Variants in DLG2 observed in about 807,000 individuals in gnomAD.
DLG2 encodes disks large homolog 2.
Under a neutral mutation model 132.5 loss-of-function variants are expected in DLG2, and 45 were observed. That is an observed-to-expected ratio of 0.34 (90% CI 0.27 to 0.44). DLG2 has a LOEUF of 0.44. DLG2 is among the 20% of genes least tolerant of loss of function. The probability of loss-of-function intolerance (pLI) is 1.00; values close to 1 mark genes in which losing one functional copy is unlikely to be tolerated. For synonymous variants in DLG2, 424 were observed against 419.6 expected (o/e 1.01, Z -0.13); for missense variants, 1,045 against 1,196.9 (o/e 0.87, Z 1.87).
chr11:85,190,298 C>G (rs1230147888), intron 4 of DLG2, among the ~76,000 whole-genome samples: 1 of 152,110 alleles, frequency 6.6e-6, no homozygotes, highest in Non-Finnish European at 1.5e-5. Context: ...TCGGACTAAA[C>G]TAAGTAGCTC....
intron 3 of DLG2, among the ~76,000 whole-genome samples, chr11:85,312,799 T>C (rs2152810659): frequency 6.6e-6 from 1 of 152,158 alleles, no homozygotes; most frequent in South Asian, 2.1e-4. Context: ...CAACTTGTTT[T>C]CCATAGAGCA....
chr11:85,496,687 T>C (rs118050336), intron 3 of DLG2, among the ~76,000 whole-genome samples: 50 of 152,086 alleles, frequency 3.3e-4, no homozygotes, highest in Non-Finnish European at 6.5e-4. Context: ...AGACACCTCA[T>C]ACACGCTCGT....
At chr11:85,306,528 C>A (rs1446986660) in intron 3 of DLG2, among the ~76,000 whole-genome samples, 1 of 152,206 alleles carries the variant, frequency 6.6e-6, no homozygotes, top group Non-Finnish European at 1.5e-5. Context: ...CCCTTCCAAC[C>A]CTTTAGGAAC....
chr11:84,908,095 G>A (rs1303294271), intron 6 of DLG2, among the ~76,000 whole-genome samples: 1 of 151,872 alleles, frequency 6.6e-6, no homozygotes, highest in Non-Finnish European at 1.5e-5. Context: ...GAAAGAACGA[G>A]TTACCCTTTA....
chr11:85,378,814 C>T (rs1032844342), intron 3 of DLG2, among the ~76,000 whole-genome samples: 1 of 152,116 alleles, frequency 6.6e-6, no homozygotes, highest in African/African-American at 2.4e-5. Flanking sequence ...ATTCTCAATA[C>T]TTACAAGATT....
intron 7 of DLG2, among the ~76,000 whole-genome samples, chr11:84,367,715 C>T (rs969476952): frequency 1.3e-5 from 2 of 152,044 alleles, no homozygotes; most frequent in African/African-American, 4.8e-5. Context: ...GTGATGCCTT[C>T]CTCTATGCTA....
At chr11:83,816,224 G>A (rs775735947) in intron 17 of DLG2, among the ~76,000 whole-genome samples, 6 of 152,138 alleles carry the variant, frequency 3.9e-5, no homozygotes, top group Non-Finnish European at 5.9e-5. Flanking sequence ...CTACATTTCC[G>A]TAAATAGGCT....
chr11:83,551,235 T>TA lies in DLG2; in HGVS notation c.1941-9378dup, dbSNP rs556183173. Among the ~76,000 whole-genome samples, 26 of 152,274 alleles carry TA rather than the reference T, an allele frequency of 1.7e-4. No individual in the cohort carries two copies. The South Asian group carries it at 2.3e-3, about 13-fold the overall frequency. The stretch of plus-strand genomic sequence containing the variant: ...GTACTCAATATTTGTTAATTGAGTC[T>TA]AAAAAAATCTAAATTTTTTCCCCTG... On this transcript the variant is annotated intron_variant, in intron 19 of 27. Transcript: ENST00000376104.
intron 7 of DLG2, among the ~76,000 whole-genome samples, chr11:84,482,946 A>C (rs531155030): frequency 6.6e-6 from 1 of 152,292 alleles, no homozygotes; most frequent in African/African-American, 2.4e-5. Context: ...AGTGGAGGAG[A>C]AAAATGTTGA....
At chr11:84,964,917 A>G (rs1331309099) in intron 6 of DLG2, among the ~76,000 whole-genome samples, 1 of 152,148 alleles carries the variant, frequency 6.6e-6, no homozygotes, top group African/African-American at 2.4e-5. Context: ...ACAGAAACAC[A>G]TATACGAAGT....
intron 19 of DLG2, among the ~76,000 whole-genome samples, chr11:83,615,067 G>A (rs2060608590): frequency 6.6e-6 from 1 of 152,138 alleles, no homozygotes. Flanking sequence ...TTTTACCTAA[G>A]CAGCACCTGG....
At chr11:85,515,745 G>A (rs918553457) in intron 3 of DLG2, among the ~76,000 whole-genome samples, 15 of 151,856 alleles carry the variant, frequency 9.9e-5, no homozygotes, top group African/African-American at 3.6e-4. Flanking sequence ...TGTTTGCTAG[G>A]TTCTCATTCA....
At chr11:85,230,118 T>C (rs949058326) in intron 4 of DLG2, among the ~76,000 whole-genome samples, 1 of 152,062 alleles carries the variant, frequency 6.6e-6, no homozygotes, top group Non-Finnish European at 1.5e-5. Flanking sequence ...TCCCAGAACT[T>C]AAAGTATTGT....
rs967011873 is a variant in DLG2, at chr11:83,879,746, T to C, written c.1497-5258A>G. On this transcript the variant is annotated intron_variant, in intron 15 of 27. Transcript: ENST00000376104. ...CCAATAAATGTTAATTGGGCACTTA[T>C]TATACACCAGGGATTGTGTTAGGTG... 4.6e-5 allele frequency among the ~76,000 whole-genome samples: 7 copies of C among 152,292 alleles called. No individual in the cohort carries two copies. In the East Asian group the frequency reaches 5.8e-4, roughly 13 times the overall value.
intron 6 of DLG2, among the ~76,000 whole-genome samples, chr11:84,651,503 A>C (rs2099682035): frequency 6.6e-6 from 1 of 152,152 alleles, no homozygotes; most frequent in Non-Finnish European, 1.5e-5. Context: ...GACAAATAAA[A>C]ATAGAAGCTT....
intron 15 of DLG2, among the ~76,000 whole-genome samples, chr11:83,892,262 T>C (rs2070154834): frequency 6.6e-6 from 1 of 152,208 alleles, no homozygotes; most frequent in African/African-American, 2.4e-5. Context: ...ATTTTAAATT[T>C]GATCCAGTAA....
intron 17 of DLG2, among the ~76,000 whole-genome samples, chr11:83,788,419 C>T (rs942203086): frequency 6.6e-6 from 1 of 152,226 alleles, no homozygotes; most frequent in South Asian, 2.1e-4. Context: ...GGCTGTGCCA[C>T]TCTCTTGCTG....
At chr11:83,836,728 C>G (rs933316510) in intron 16 of DLG2, among the ~76,000 whole-genome samples, 2 of 152,150 alleles carry the variant, frequency 1.3e-5, no homozygotes, top group African/African-American at 4.8e-5. Flanking sequence ...AGAGAGACAA[C>G]GGTGCATTAA....
rs1008212650 is a variant in DLG2 at position 84,142,278 on chromosome 11, T to C, written c.624+21183A>G. Among the ~76,000 whole-genome samples the C allele has an allele frequency of 7.5e-5, 10 of 133,368 alleles. 1 individual carries two copies. The East Asian group carries it at 2.2e-3, about 30-fold the overall frequency. The allele number at this position is 133,368 out of a possible 152,430, so 87.5% of individuals were successfully genotyped here. ...GGAGGTTGCAGTGAGCCGAGATCGC[T>C]CCACTGCACTCTAGCCTGGAGACAG... On this transcript the variant is annotated intron_variant, in intron 9 of 27. Coordinates refer to ENST00000376104, the MANE Select transcript of DLG2 (RefSeq NM_001142699.3).
Sources: allele counts gnomAD v4.1 joint callset (sites outside exome capture counted in the v4.1 genomes callset), GRCh38; gene constraint gnomAD v4.1.1; transcripts MANE v1.5; gene names NCBI Gene and HGNC (gene_info 2026-07-23, HGNC 2026-07-21).